Variants in CERS6 observed in about 807,000 individuals in gnomAD.
CERS6 encodes LAG1 homolog, ceramide synthase 6.
Under a neutral mutation model 56.8 loss-of-function variants are expected in CERS6, and 26 were observed. That is an observed-to-expected ratio of 0.46 (90% CI 0.34 to 0.63). CERS6 has a LOEUF of 0.63. Among genes scored for constraint, CERS6 ranks in the 30% least tolerant of loss-of-function variants. CERS6 has a pLI of 0.01. For missense variants in CERS6, 415 were observed against 467.5 expected (o/e 0.89, Z 1.04); for synonymous variants, 164 against 173.3 (o/e 0.95, Z 0.42).
At chr2:168,471,871 T>C (rs1031371776) in intron 1 of CERS6, among the ~76,000 whole-genome samples, 2 of 152,186 alleles carry the variant, frequency 1.3e-5, no homozygotes, top group African/African-American at 4.8e-5. Flanking sequence ...TATATGATTA[T>C]ATATTTTGGG....
chr2:168,541,960 G>T (rs560366362), intron 1 of CERS6, among the ~76,000 whole-genome samples: 1 of 152,176 alleles, frequency 6.6e-6, no homozygotes, highest in African/African-American at 2.4e-5. Flanking sequence ...TCAAAATTTT[G>T]CTTGCTGCTG....
At chr2:168,576,453 T>A (rs1683271674) in intron 3 of CERS6, among the ~76,000 whole-genome samples, 1 of 152,222 alleles carries the variant, frequency 6.6e-6, no homozygotes, top group African/African-American at 2.4e-5. Flanking sequence ...TACATTTCAC[T>A]GGGGAAGGAC....
intron 8 of CERS6, among the ~76,000 whole-genome samples, chr2:168,748,623 A>G (rs1684175169): frequency 6.6e-6 from 1 of 152,126 alleles, no homozygotes; most frequent in South Asian, 2.1e-4. Flanking sequence ...TTTCTTCCTC[A>G]GTAAAGCGTT....
chr2:168,577,363 G>A (rs920619923), intron 3 of CERS6, among the ~76,000 whole-genome samples: 41 of 152,184 alleles, frequency 2.7e-4, no homozygotes, highest in African/African-American at 8.9e-4. Flanking sequence ...AGCAGTTTGG[G>A]TGGAAGGTCT....
intron 4 of CERS6, among the ~76,000 whole-genome samples, chr2:168,681,242 TTC>T (rs369600664): frequency 5.9e-4 from 90 of 152,326 alleles, no homozygotes; most frequent in Middle Eastern, 3.4e-3. Context: ...CAAGGTTTTA[TTC>T]TCTGTTATTT....
At chr2:168,540,002 G>C (rs1695337805) in intron 1 of CERS6, among the ~76,000 whole-genome samples, 1 of 152,146 alleles carries the variant, frequency 6.6e-6, no homozygotes, top group South Asian at 2.1e-4. Flanking sequence ...AAAGATCTAA[G>C]TTTCCATCTG....
At chr2:168,485,113 A>G (rs1318546260) in intron 1 of CERS6, among the ~76,000 whole-genome samples, 3 of 152,132 alleles carry the variant, frequency 2.0e-5, no homozygotes, top group Non-Finnish European at 2.9e-5. Context: ...TGCCATTTAA[A>G]AATCTTGACC....
chr2:168,466,781 A>C (rs1693889047), intron 1 of CERS6, among the ~76,000 whole-genome samples: 1 of 152,120 alleles, frequency 6.6e-6, no homozygotes, highest in Non-Finnish European at 1.5e-5. Flanking sequence ...TTACTATTAT[A>C]ACTTAGAATT....
In CERS6 at chr2:168,774,481, G is replaced by A. The variant is rs1229775270; in HGVS notation, c.*4819G>A. ...CCATGAAAGTTTGGCTTCCTGGTTT[G>A]ATGTCTGTTGCGTGGCCTGGAAACC... On this transcript the variant is annotated 3_prime_UTR_variant, in exon 10 of 10. Coordinates refer to ENST00000305747, the MANE Select transcript of CERS6 (RefSeq NM_203463.3). The A allele has an allele frequency of 6.6e-6, 1 of 152,132 alleles. No individual in the cohort carries two copies. The highest frequency in any genetic ancestry group is 1.5e-5 in the Non-Finnish European group (1 of 68,018). The allele number at this position is 152,132 out of a possible 1,614,324, so 9.4% of individuals were successfully genotyped here.
intron 1 of CERS6, among the ~76,000 whole-genome samples, chr2:168,500,860 T>G (rs1694567411): frequency 6.6e-6 from 1 of 152,198 alleles, no homozygotes; most frequent in Admixed American, 6.5e-5. Context: ...TTTATAAGTA[T>G]TTTAACTAAC....
At chr2:168,662,913 A>G (rs1326137984) in intron 4 of CERS6, among the ~76,000 whole-genome samples, 1 of 152,214 alleles carries the variant, frequency 6.6e-6, no homozygotes, top group East Asian at 1.9e-4. Context: ...TGCCATGAAG[A>G]GAAGTCAGGC....
At chr2:168,654,546 AAAAAC>A (rs201036203) in intron 4 of CERS6, among the ~76,000 whole-genome samples, 1 of 152,188 alleles carries the variant, frequency 6.6e-6, no homozygotes, top group Non-Finnish European at 1.5e-5. Flanking sequence ...TCTGTCTCAA[AAAAAC>A]AAAACAAAAC....
At chr2:168,492,543 A>T (rs1371779271) in intron 1 of CERS6, among the ~76,000 whole-genome samples, 9 of 151,878 alleles carry the variant, frequency 5.9e-5, no homozygotes, top group African/African-American at 1.9e-4. Flanking sequence ...GATTGCAAAA[A>T]TTTTCTCCCA....
At chr2:168,522,004 A>G (rs1694991849) in intron 1 of CERS6, among the ~76,000 whole-genome samples, 1 of 152,184 alleles carries the variant, frequency 6.6e-6, no homozygotes, top group Non-Finnish European at 1.5e-5. Context: ...TAGATGTATT[A>G]TCTTTAAGGT....
intron 1 of CERS6, among the ~76,000 whole-genome samples, chr2:168,518,901 T>C (rs1037436302): frequency 6.6e-6 from 1 of 152,162 alleles, no homozygotes; most frequent in African/African-American, 2.4e-5. Flanking sequence ...AGTGTCTTTG[T>C]TCCCCGTGGC....
Position 168,691,739 on chromosome 2 carries a change from C to T in CERS6, c.516+655C>T, listed in dbSNP as rs554178877. 1.5e-4 allele frequency among the ~76,000 whole-genome samples: 23 copies of T among 152,270 alleles called. 1 individual carries two copies. The East Asian group carries it at 3.7e-3, about 24-fold the overall frequency. ...CATGTGTTGTTGGGATCCCCAGATC[C>T]GTTTAAAAAGCTGGGACTTGTCTCA... On this transcript the variant is annotated intron_variant, in intron 5 of 9. Coordinates refer to ENST00000305747, the MANE Select transcript of CERS6 (RefSeq NM_203463.3).
At chr2:168,615,830 G>A (rs1248277567) in intron 3 of CERS6, among the ~76,000 whole-genome samples, 1 of 152,176 alleles carries the variant, frequency 6.6e-6, no homozygotes, top group Non-Finnish European at 1.5e-5. Context: ...CCTTGGCCTT[G>A]CTAGAGCCGT....
chr2:168,685,595 G>A (rs1467873173), intron 4 of CERS6, among the ~76,000 whole-genome samples: 1 of 152,062 alleles, frequency 6.6e-6, no homozygotes, highest in East Asian at 1.9e-4. Flanking sequence ...TGAAAGAGCA[G>A]ATTTACTGAC....
chr2:168,504,985 G>A (rs532430456), intron 1 of CERS6, among the ~76,000 whole-genome samples: 1 of 152,238 alleles, frequency 6.6e-6, no homozygotes, highest in East Asian at 1.9e-4. Context: ...AGTGGCAACT[G>A]AGTAATTAGT....
Sources: allele counts gnomAD v4.1 joint callset (sites outside exome capture counted in the v4.1 genomes callset), GRCh38; gene constraint gnomAD v4.1.1; transcripts MANE v1.5; gene names NCBI Gene and HGNC (gene_info 2026-07-23, HGNC 2026-07-21).